Variants in KCNMA1 observed in about 807,000 individuals in gnomAD.
The protein encoded by KCNMA1 is potassium calcium-activated channel subfamily M alpha 1.
A neutral mutation model predicts 140.0 loss-of-function variants in KCNMA1; 29 were observed. That is an observed-to-expected ratio of 0.21 (90% CI 0.15 to 0.28). The LOEUF is 0.28. Among genes scored for constraint, KCNMA1 ranks in the 10% least tolerant of loss-of-function variants. KCNMA1 has a pLI of 1.00. For synonymous variants in KCNMA1, 612 were observed against 611.9 expected (o/e 1.00, Z 0.00); for missense variants, 880 against 1,602.2 (o/e 0.55, Z 7.70).
chr10:77,420,551 C>T (rs2096844559), intron 1 of KCNMA1, among the ~76,000 whole-genome samples: 1 of 152,190 alleles, frequency 6.6e-6, no homozygotes, highest in Admixed American at 6.5e-5. Context: ...CATTCTAGTC[C>T]AGTGGCTACA....
At chr10:77,029,065 C>G (rs749326493) in intron 15 of KCNMA1, among the ~76,000 whole-genome samples, 5 of 152,058 alleles carry the variant, frequency 3.3e-5, no homozygotes, top group African/African-American at 1.2e-4. Context: ...TATAAAAAGA[C>G]ATGAACATGT....
chr10:76,911,409 G>C (rs1356722384), intron 24 of KCNMA1: 1 of 152,212 alleles, frequency 6.6e-6, no homozygotes, highest in East Asian at 1.9e-4. Context: ...GCAGGCTAGT[G>C]GTGAAAGTCC....
In KCNMA1 at chr10:77,220,728, CT is replaced by C. The variant is rs375839932; in HGVS notation, c.602+30466del. 7.9e-5 allele frequency among the ~76,000 whole-genome samples: 12 copies of C among 151,822 alleles called. 1 individual carries two copies. Among genetic ancestry groups the C allele is most frequent in the African/African-American group, 2.9e-4 (12 of 41,386 alleles). ...AATCCCCAAGCTCTTGGATCTGGTC[CT>C]TTTTACCCCCTTAGCCATATATTCC... On this transcript the variant is annotated intron_variant, in intron 3 of 27. Transcript: ENST00000286628.
intron 14 of KCNMA1, among the ~76,000 whole-genome samples, chr10:77,070,168 A>AT (rs2096137924): frequency 6.6e-6 from 1 of 151,996 alleles, no homozygotes; most frequent in Non-Finnish European, 1.5e-5. Context: ...CAGTCTTGGC[A>AT]TTTTGGTCTC....
At chr10:77,494,842 G>A (rs2154543146) in intron 1 of KCNMA1, among the ~76,000 whole-genome samples, 1 of 152,378 alleles carries the variant, frequency 6.6e-6, no homozygotes, top group South Asian at 2.1e-4. Flanking sequence ...GAGGGCACAT[G>A]TGTTCCAGGC....
At chr10:76,991,198 C>T (rs1320530498) in intron 19 of KCNMA1, among the ~76,000 whole-genome samples, 1 of 152,178 alleles carries the variant, frequency 6.6e-6, no homozygotes, top group Non-Finnish European at 1.5e-5. Context: ...CTGACTCACA[C>T]CAAAATAATC....
chr10:77,161,592 G>T (rs2098555192), intron 5 of KCNMA1, among the ~76,000 whole-genome samples: 2 of 152,146 alleles, frequency 1.3e-5, no homozygotes, highest in Admixed American at 1.3e-4. Context: ...TATTTCATCT[G>T]AGAAAAGTCA....
chr10:77,011,164 G>A (rs1341952225), intron 18 of KCNMA1, among the ~76,000 whole-genome samples: 1 of 152,168 alleles, frequency 6.6e-6, no homozygotes, highest in South Asian at 2.1e-4. Flanking sequence ...TTCAAGGGTT[G>A]AGAACAATTT....
chr10:77,275,720 AG>A (rs1312645987), intron 2 of KCNMA1, among the ~76,000 whole-genome samples: 1 of 152,212 alleles, frequency 6.6e-6, no homozygotes, highest in Admixed American at 6.5e-5. Flanking sequence ...GGAAGTTGTG[AG>A]CAGGTTGCCC....
chr10:76,964,172 G>A lies in KCNMA1; in HGVS notation c.2360+5802C>T, dbSNP rs75152449. ...ACCCTCTCCCCATCTCCCACTTGAC[G>A]GCCATCCCTGGAGCCACACTGACAA... On this transcript the variant is annotated intron_variant, in intron 20 of 27. Transcript: ENST00000286628. 5.7e-3 allele frequency among the ~76,000 whole-genome samples: 856 copies of A among 150,740 alleles called. 5 individuals are homozygous for A. The highest frequency in any genetic ancestry group is 0.02 in the African/African-American group (811 of 41,006).
intron 2 of KCNMA1, among the ~76,000 whole-genome samples, chr10:77,301,932 C>G (rs1332443538): frequency 6.6e-6 from 1 of 151,578 alleles, no homozygotes; most frequent in African/African-American, 2.4e-5. Context: ...ACAAACCCAA[C>G]TAAAGCCAGG....
At chr10:77,348,284 A>C (rs539118259) in intron 2 of KCNMA1, among the ~76,000 whole-genome samples, 1 of 152,302 alleles carries the variant, frequency 6.6e-6, no homozygotes, top group Non-Finnish European at 1.5e-5. Flanking sequence ...TGAGTCATTT[A>C]CCCTAAATAG....
chr10:77,074,847 C>G (rs1445121659), intron 13 of KCNMA1, among the ~76,000 whole-genome samples: 1 of 152,166 alleles, frequency 6.6e-6, no homozygotes, highest in East Asian at 1.9e-4. Context: ...GATTCTATGG[C>G]TTTGAAGTTA....
chr10:77,205,800 T>G (rs758894056), intron 3 of KCNMA1, among the ~76,000 whole-genome samples: 2 of 152,218 alleles, frequency 1.3e-5, no homozygotes, highest in Non-Finnish European at 2.9e-5. Flanking sequence ...TAAAACCATT[T>G]TTTAAAAAAT....
At chr10:77,573,632 GGAATGGAATGGAATAGAATAGAATA>G (rs145061489) in intron 1 of KCNMA1, among the ~76,000 whole-genome samples, 4,767 of 90,180 alleles carry the variant, frequency 0.053, 139 homozygotes, top group Middle Eastern at 0.095. Flanking sequence ...GGAATGGAAT[GGAATGGAATGGAATAGAATAGAATA>G]GAATAGAATA....
intron 1 of KCNMA1, among the ~76,000 whole-genome samples, chr10:77,405,239 T>C (rs1353561567): frequency 1.3e-5 from 2 of 152,244 alleles, no homozygotes; most frequent in Non-Finnish European, 2.9e-5. Context: ...GCCACCTGTT[T>C]AAATTTGCAA....
At chr10:77,466,494 G>T (rs2098017972) in intron 1 of KCNMA1, among the ~76,000 whole-genome samples, 1 of 152,180 alleles carries the variant, frequency 6.6e-6, no homozygotes, top group Non-Finnish European at 1.5e-5. Context: ...AGGCAGAAAG[G>T]ATTCCTGTCC....
At chr10:77,101,033 C>T (rs11597359) in intron 9 of KCNMA1, among the ~76,000 whole-genome samples, 9,424 of 152,078 alleles carry the variant, frequency 0.062, 433 homozygotes, top group Middle Eastern at 0.14. Context: ...AGGGGAGCTT[C>T]ATTCTATCAG....
At chr10:77,478,442 G>GACT (rs1270290249) in intron 1 of KCNMA1, among the ~76,000 whole-genome samples, 5 of 152,210 alleles carry the variant, frequency 3.3e-5, no homozygotes, top group African/African-American at 1.2e-4. Context: ...CAGCCCTAGT[G>GACT]AGTCACAAGG....
Sources: allele counts gnomAD v4.1 joint callset (sites outside exome capture counted in the v4.1 genomes callset), GRCh38; gene constraint gnomAD v4.1.1; transcripts MANE v1.5; gene names NCBI Gene and HGNC (gene_info 2026-07-23, HGNC 2026-07-21).